Variants in PLEKHM3 observed in about 807,000 individuals in gnomAD.
The protein encoded by PLEKHM3 is pleckstrin homology domain-containing family M member 3.
PLEKHM3 carries 45 observed loss-of-function variants against 81.8 expected under a neutral mutation model. The ratio of observed to expected loss-of-function variants is 0.55; its 90% CI spans 0.43 to 0.71. The LOEUF is 0.71. Among genes scored for constraint, PLEKHM3 ranks in the 30% least tolerant of loss-of-function variants. The pLI, the probability that PLEKHM3 is intolerant of heterozygous loss-of-function variation, is 0.00. For missense variants in PLEKHM3, 788 were observed against 924.3 expected, an observed-to-expected ratio of 0.85 and a Z score of 1.91; for synonymous variants, 352 against 356.4, an observed-to-expected ratio of 0.99 and a Z score of 0.14.
chr2:207,923,901 ATATATTTTT>A (rs1464070323), intron 5 of PLEKHM3, among the ~76,000 whole-genome samples: 16 of 72,544 alleles, frequency 2.2e-4, no homozygotes, highest in African/African-American at 8.1e-4. Flanking sequence ...ATATATATAT[ATATATTTTT>A]TTTTTTTTTT....
In PLEKHM3 at chr2:207,985,937, G is replaced by A. The variant is rs540533455; in HGVS notation, c.611-8351C>T. On this transcript the variant is annotated intron_variant, in intron 2 of 7. Transcript: ENST00000427836. ...TGGGAGGTGGAGCTTGCAGTGAGCC[G>A]AGATTGGGCCACTGCACTCCAGCCT... 4.7e-3 allele frequency among the ~76,000 whole-genome samples: 700 copies of A among 150,216 alleles called. 6 individuals are homozygous for A. The highest frequency in any genetic ancestry group is 0.016 in the African/African-American group (661 of 40,778).
chr2:207,931,061 A>G lies in PLEKHM3; in HGVS notation c.1751T>C (p.Ile584Thr). Reference sequence around the variant, plus strand: ...GTACAGCATGGCGTTCTCCTGCTGGATGTCGATGAGCGGCTCTTCGTACAC... The same window carrying G: ...GTACAGCATGGCGTTCTCCTGCTGGGTGTCGATGAGCGGCTCTTCGTACAC... ...EYVYEEPLID[I>T]QQENAMLYHH... Residue 584 changes from isoleucine to threonine, a missense_variant, in exon 5 of 8, where the codon ATC (isoleucine) becomes ACC (threonine). Physicochemically the swap from Ile to Thr is moderately conservative, Grantham distance 89. Coordinates refer to ENST00000427836, the MANE Select transcript of PLEKHM3 (RefSeq NM_001080475.3). 6.2e-7 allele frequency: 1 copy of G among 1,614,050 alleles called. No individual in the cohort carries two copies. Among genetic ancestry groups the G allele is most frequent in the Non-Finnish European group, 8.5e-7 (1 of 1,179,952 alleles).
intron 7 of PLEKHM3, among the ~76,000 whole-genome samples, chr2:207,847,122 A>G (rs996817964): frequency 7.2e-5 from 11 of 152,242 alleles, no homozygotes; most frequent in African/African-American, 2.2e-4. Flanking sequence ...GGTGACAGCC[A>G]TCTATTCAAG....
chr2:207,971,576 AAG>A (rs1186290863), intron 3 of PLEKHM3, among the ~76,000 whole-genome samples: 1 of 152,210 alleles, frequency 6.6e-6, no homozygotes, highest in Non-Finnish European at 1.5e-5. Flanking sequence ...AAAAAAAAAA[AAG>A]AGCTATTGCC....
chr2:207,908,584 A>G lies in PLEKHM3; in HGVS notation c.1887-7T>C. On this transcript the variant is annotated splice_region_variant and splice_polypyrimidine_tract_variant and intron_variant, in intron 5 of 7. Coordinates refer to ENST00000427836, the MANE Select transcript of PLEKHM3 (RefSeq NM_001080475.3). ...GTATTCTCTGGGGAAAATTCTGAAAACAAGGGCAGATAGACAAGTGAACTG... is the reference window on the plus strand; with the variant it reads ...GTATTCTCTGGGGAAAATTCTGAAAGCAAGGGCAGATAGACAAGTGAACTG... The G allele has an allele frequency of 6.2e-7, 1 of 1,606,790 alleles. No individual in the cohort carries two copies. Among genetic ancestry groups the G allele is most frequent in the Non-Finnish European group, 8.5e-7 (1 of 1,174,992 alleles).
At chr2:207,960,499 T>C (rs953460973) in intron 3 of PLEKHM3, among the ~76,000 whole-genome samples, 1 of 152,248 alleles carries the variant, frequency 6.6e-6, no homozygotes, top group African/African-American at 2.4e-5. Context: ...CACTCTATAA[T>C]AATAAATGTG....
rs75730977 is a variant in PLEKHM3, at chr2:207,832,428, T to A, written c.2109-3932A>T. ...ATAAAAATGTAAAGTTCAGGATAAATATTTACATTAAAAAATGTAATATAT... is the reference window on the plus strand; with the variant it reads ...ATAAAAATGTAAAGTTCAGGATAAAAATTTACATTAAAAAATGTAATATAT... On this transcript the variant is annotated intron_variant, in intron 7 of 7. Coordinates refer to ENST00000427836, the MANE Select transcript of PLEKHM3 (RefSeq NM_001080475.3). Among the ~76,000 whole-genome samples, 632 of 152,322 alleles carry A rather than the reference T, an allele frequency of 4.1e-3. 2 individuals are homozygous for A. The highest frequency in any genetic ancestry group is 0.015 in the African/African-American group (615 of 41,570).
chr2:207,908,396 T>C, intron 6 of PLEKHM3, 118 bp downstream of exon 6: 1 of 922,572 alleles, frequency 1.1e-6, no homozygotes, highest in Admixed American at 2.5e-5. Flanking sequence ...AAAAGAATTA[T>C]CAGGGTTTCT....
At chr2:207,938,442 C>T (rs545241721) in intron 4 of PLEKHM3, among the ~76,000 whole-genome samples, 1 of 152,144 alleles carries the variant, frequency 6.6e-6, no homozygotes, top group Admixed American at 6.5e-5. Flanking sequence ...CATTTTTTTA[C>T]TCTTTTAAAT....
Position 207,831,551 on chromosome 2 carries a change from C to T in PLEKHM3, c.2109-3055G>A, listed in dbSNP as rs188267891. Among the ~76,000 whole-genome samples the T allele has an allele frequency of 6.1e-4, 93 of 152,356 alleles. 1 individual carries two copies. Among genetic ancestry groups the T allele is most frequent in the African/African-American group, 2.1e-3 (87 of 41,582 alleles). On this transcript the variant is annotated intron_variant, in intron 7 of 7. Coordinates refer to ENST00000427836, the MANE Select transcript of PLEKHM3 (RefSeq NM_001080475.3). The stretch of plus-strand genomic sequence containing the variant: ...TTTCTCATTTGTAAAATGCTGCTCA[C>T]GGTGAACCCCTTCCTATTCACTGGG...
chr2:207,934,813 C>A (rs1168507815), intron 4 of PLEKHM3, among the ~76,000 whole-genome samples: 6 of 152,162 alleles, frequency 3.9e-5, no homozygotes, highest in Admixed American at 3.9e-4. Context: ...AGTATAGATT[C>A]GAACATAATA....
rs200207037 is a variant in PLEKHM3 at position 207,982,818 on chromosome 2, T to C, written c.611-5232A>G. On this transcript the variant is annotated intron_variant, in intron 2 of 7. Transcript: ENST00000427836. ...GGTGTCAAAACTCCTGACCTCGTGA[T>C]CTGCTTGCCTCGGCCTCCCAAAGTG... is the stretch of plus-strand genomic sequence containing the variant. Among the ~76,000 whole-genome samples the C allele has an allele frequency of 6.0e-4, 91 of 151,862 alleles. 2 individuals carry two copies. The highest frequency in any genetic ancestry group is 2.0e-3 in the East Asian group (10 of 5,124).
chr2:207,923,176 G>A (rs187013630), intron 5 of PLEKHM3, among the ~76,000 whole-genome samples: 88 of 152,220 alleles, frequency 5.8e-4, no homozygotes, highest in South Asian at 2.1e-4. Flanking sequence ...AGGGTGTTGC[G>A]TTATCCTGTA....
intron 5 of PLEKHM3, among the ~76,000 whole-genome samples, chr2:207,909,099 C>G (rs1302729962): frequency 6.6e-6 from 1 of 152,134 alleles, no homozygotes; most frequent in Non-Finnish European, 1.5e-5. Context: ...AGGAGTGATA[C>G]TGAATATCAT....
chr2:207,856,791 GAT>G (rs1171104964), intron 7 of PLEKHM3, among the ~76,000 whole-genome samples: 5 of 152,100 alleles, frequency 3.3e-5, no homozygotes, highest in Non-Finnish European at 7.4e-5. Flanking sequence ...CTTTTGTGTG[GAT>G]ATGTTATCAA....
chr2:208,004,510 C>T (rs542034906), intron 1 of PLEKHM3, among the ~76,000 whole-genome samples: 2 of 152,194 alleles, frequency 1.3e-5, no homozygotes, highest in South Asian at 4.1e-4. Context: ...GACTGTTAGA[C>T]AAGGAAATTG....
intron 5 of PLEKHM3, among the ~76,000 whole-genome samples, chr2:207,915,825 T>C (rs1688974135): frequency 1.3e-5 from 2 of 152,236 alleles, no homozygotes; most frequent in Admixed American, 6.5e-5. Flanking sequence ...TCCAAGAATA[T>C]GTGCTCCAGG....
intron 6 of PLEKHM3, among the ~76,000 whole-genome samples, chr2:207,881,613 T>C (rs1006130412): frequency 6.6e-6 from 1 of 152,224 alleles, no homozygotes; most frequent in African/African-American, 2.4e-5. Flanking sequence ...CAGCATACTT[T>C]TATAATCAAG....
intron 4 of PLEKHM3, among the ~76,000 whole-genome samples, chr2:207,946,045 A>G (rs984571105): frequency 4.6e-5 from 7 of 152,242 alleles, no homozygotes; most frequent in African/African-American, 7.2e-5. Context: ...TCCCATTTTT[A>G]TCTTCCCATA....
Sources: gnomAD v4.1 joint callset for allele counts (sites outside exome capture counted in the v4.1 genomes callset) on GRCh38, gnomAD v4.1.1 for gene constraint, MANE v1.5 for transcripts, NCBI Gene and HGNC (gene_info 2026-07-23, HGNC 2026-07-21) for gene names.